The following FAM53A variants were observed in gnomAD, a reference collection of about 807,000 sequenced individuals.
FAM53A encodes family with sequence similarity 53 member A.
In FAM53A, 28 loss-of-function variants were observed where a neutral mutation model predicts 26.6. The observed-to-expected ratio is 1.05, with a 90% CI of 0.78 to 1.45. The LOEUF (loss-of-function observed/expected upper bound fraction) is 1.45, where lower values mean the gene tolerates loss of function less well. FAM53A is among the 40% of genes most tolerant of loss of function. The probability of loss-of-function intolerance (pLI) is 0.00; values close to 1 mark genes in which losing one functional copy is unlikely to be tolerated. For synonymous variants in FAM53A, 290 were observed against 253.1 expected (o/e 1.15, Z -1.38); for missense variants, 650 against 575.8 (o/e 1.13, Z -1.32).
At chr4:1,607,504 A>G in the FAM53A span, among the ~76,000 whole-genome samples, 1 of 151,372 alleles carries the variant, frequency 6.6e-6, no homozygotes, top group Non-Finnish European at 1.5e-5. Flanking sequence ...TCTCCACCCC[A>G]CCCATCCCCC....
chr4:1,685,721 T>C (rs79381425), upstream of FAM53A, among the ~76,000 whole-genome samples: 383 of 152,274 alleles, frequency 2.5e-3, 2 homozygotes, highest in Non-Finnish European at 4.2e-3. Context: ...GTCCAGGCCA[T>C]TCTCTTCGCT....
chr4:1,638,439 C>T (rs1247749191), downstream of FAM53A, among the ~76,000 whole-genome samples: 1 of 152,160 alleles, frequency 6.6e-6, no homozygotes, highest in Non-Finnish European at 1.5e-5. Flanking sequence ...ACCAACCAGA[C>T]ACCCTACATC....
intron 1 of FAM53A, among the ~76,000 whole-genome samples, chr4:1,623,720 G>A (rs1289492579): frequency 6.6e-6 from 1 of 152,276 alleles, no homozygotes; most frequent in Non-Finnish European, 1.5e-5. Context: ...CTGCGGAGGA[G>A]TGCGGCCGCC....
Position 1,639,935 on chromosome 4 carries a change from T to C in FAM53A, c.*1358A>G, listed in dbSNP as rs756793935. 1.3e-5 allele frequency: 2 copies of C among 152,246 alleles called. No individual in the cohort carries two copies. Among genetic ancestry groups the C allele is most frequent in the African/African-American group, 4.8e-5 (2 of 41,466 alleles). The allele number at this position is 152,246 out of a possible 1,614,324, so 9.4% of individuals were successfully genotyped here. On this transcript the variant is annotated 3_prime_UTR_variant, in exon 5 of 5. Transcript: ENST00000308132. ...GAAACCCCTACGATTTTATTAAAAGTGCAAGAATGAAAAACAGGAAATCCC... is the reference window on the plus strand; with the variant it reads ...GAAACCCCTACGATTTTATTAAAAGCGCAAGAATGAAAAACAGGAAATCCC...
intron 2 of FAM53A, among the ~76,000 whole-genome samples, chr4:1,662,969 C>T (rs1039289873): frequency 7.2e-5 from 11 of 151,980 alleles, no homozygotes; most frequent in Non-Finnish European, 1.0e-4. Flanking sequence ...CCGAGGCAGG[C>T]GGATCACGAG....
chr4:1,598,788 G>A, the FAM53A span, among the ~76,000 whole-genome samples: 1 of 152,246 alleles, frequency 6.6e-6, no homozygotes, highest in Non-Finnish European at 1.5e-5. Context: ...TTTAAGAGCC[G>A]CAGGATGGAG....
At chr4:1,683,105 C>T (rs1184989232) in intron 1 of FAM53A, among the ~76,000 whole-genome samples, 1 of 152,204 alleles carries the variant, frequency 6.6e-6, no homozygotes, top group South Asian at 2.1e-4. Flanking sequence ...TGGCGCCGGA[C>T]GAGGGAAAAC....
chr4:1,684,023 T>A (rs950810269), intron 1 of FAM53A: 9 of 151,886 alleles, frequency 5.9e-5, no homozygotes, highest in African/African-American at 2.2e-4. Flanking sequence ...GGGCCTCGCC[T>A]CGTGCGGAAA....
At chr4:1,654,666 C>T (rs1310511457) in intron 4 of FAM53A, among the ~76,000 whole-genome samples, 1 of 152,338 alleles carries the variant, frequency 6.6e-6, no homozygotes, top group Non-Finnish European at 1.5e-5. Flanking sequence ...GCGGCTCAGC[C>T]AGGCCAGAAA....
chr4:1,580,585 C>T, the FAM53A span, among the ~76,000 whole-genome samples: 1 of 146,658 alleles, frequency 6.8e-6, no homozygotes, highest in Non-Finnish European at 1.5e-5. Flanking sequence ...CCGCCTCCTA[C>T]CTCGGGCCCC....
chr4:1,594,158 G>A, the FAM53A span, among the ~76,000 whole-genome samples: 1 of 152,324 alleles, frequency 6.6e-6, no homozygotes, highest in South Asian at 2.1e-4. Context: ...GCCGCTTCTG[G>A]GCAGATTCCC....
intron 4 of FAM53A, among the ~76,000 whole-genome samples, chr4:1,649,176 A>AGGGAGG (rs1712522179): frequency 9.4e-6 from 1 of 106,082 alleles, no homozygotes; most frequent in Admixed American, 1.0e-4. Context: ...GGAAAGGGAA[A>AGGGAGG]GGGAAGGGGA....
chr4:1,640,859 G>C lies in FAM53A; in HGVS notation c.*434C>G, dbSNP rs1433088201. 2 of 394,394 alleles carry C rather than the reference G, an allele frequency of 5.1e-6. No individual in the cohort carries two copies. Among genetic ancestry groups the C allele is most frequent in the Non-Finnish European group, 9.6e-6 (2 of 207,262 alleles). 24.4% of individuals were successfully genotyped at this position (394,394 alleles called of 1,614,324 possible). ...CAGCCATGGCCCCGACCAGCTCACA[G>C]GAAACCTACTCTGTGCCCTGGGGCA... On this transcript the variant is annotated 3_prime_UTR_variant, in exon 5 of 5. Transcript: ENST00000308132.
intron 2 of FAM53A, among the ~76,000 whole-genome samples, chr4:1,660,231 C>G (rs1446652515): frequency 6.6e-6 from 1 of 151,090 alleles, no homozygotes; most frequent in African/African-American, 2.4e-5. Context: ...TGCAGTGAGC[C>G]GAGATCACAC....
chr4:1,612,825 G>C, the FAM53A span, among the ~76,000 whole-genome samples: 1 of 152,138 alleles, frequency 6.6e-6, no homozygotes, highest in South Asian at 2.1e-4. Flanking sequence ...GCATGCTCTC[G>C]GGCACGTGAT....
At chr4:1,623,882 C>G (rs1016765973) in intron 1 of FAM53A, among the ~76,000 whole-genome samples, 1 of 152,218 alleles carries the variant, frequency 6.6e-6, no homozygotes, top group African/African-American at 2.4e-5. Context: ...TGGGCTCCCT[C>G]TCTGGCGGGC....
the FAM53A span, among the ~76,000 whole-genome samples, chr4:1,579,445 C>T: frequency 6.6e-6 from 1 of 152,106 alleles, no homozygotes; most frequent in Admixed American, 6.5e-5. Context: ...GCCCTCCGCA[C>T]TCGCCCCCTT....
chr4:1,593,335 G>A, the FAM53A span, among the ~76,000 whole-genome samples: 1 of 152,032 alleles, frequency 6.6e-6, no homozygotes, highest in Admixed American at 6.5e-5. Flanking sequence ...AGGGGAGGCT[G>A]GACCGCGGCC....
Position 1,655,363 on chromosome 4 carries a change from C to A in FAM53A, c.497G>T (p.Gly166Val). The A allele has an allele frequency of 6.9e-7, 1 of 1,441,132 alleles. No individual in the cohort carries two copies. Among genetic ancestry groups the A allele is most frequent in the East Asian group, 2.7e-5 (1 of 37,096 alleles). 89.3% of individuals were successfully genotyped at this position (1,441,132 alleles called of 1,614,324 possible). A position where few individuals can be genotyped will look rare whatever the true frequency, so the allele number is the denominator to read the frequency against. The change falls in exon 4 of 5, where the codon GGC becomes GTC. Residue 166 changes from glycine to valine, a missense_variant. Physicochemically the swap from Gly to Val is moderately radical, Grantham distance 109. Transcript: ENST00000308132. ...CACAGCACTCCTCGGCAGGACGGCG[C>A]CGGGGCTTCCCTGCCGCGTGGCACT... is the stretch of plus-strand genomic sequence containing the variant. ...GGSATRQGSP[G>V]AVLPRSAVWS... is the part of the protein sequence containing the mutation.
Sources: gnomAD v4.1 joint callset for allele counts (sites outside exome capture counted in the v4.1 genomes callset) on GRCh38, gnomAD v4.1.1 for gene constraint, MANE v1.5 for transcripts, NCBI Gene and HGNC (gene_info 2026-07-23, HGNC 2026-07-21) for gene names.